ABCA1: variants seen among roughly 807,000 people sequenced by gnomAD.
ABCA1 encodes the protein phospholipid-transporting ATPase ABCA1.
Under a neutral mutation model 262.5 loss-of-function variants are expected in ABCA1, and 133 were observed. The observed-to-expected ratio is 0.51, with a 90% CI of 0.44 to 0.59. The LOEUF (loss-of-function observed/expected upper bound fraction) is 0.59. Ranked by LOEUF, ABCA1 falls within the 20% of genes least tolerant of loss-of-function variation. The pLI, the probability that ABCA1 is intolerant of heterozygous loss-of-function variation, is 0.00. For synonymous variants in ABCA1, 1,022 were observed against 1,043.5 expected (o/e 0.98, Z 0.40); for missense variants, 2,452 against 2,777.5 (o/e 0.88, Z 2.63).
intron 25 of ABCA1, among the ~76,000 whole-genome samples, chr9:104,815,868 T>A (rs981255728): frequency 4.6e-5 from 7 of 152,292 alleles, no homozygotes; most frequent in African/African-American, 1.7e-4. Context: ...AATAAGTGCA[T>A]AGGAGTTTAA....
At chr9:104,859,323 T>C (rs1428181104) in intron 6 of ABCA1, among the ~76,000 whole-genome samples, 3 of 152,214 alleles carry the variant, frequency 2.0e-5, no homozygotes, top group Non-Finnish European at 4.4e-5. Flanking sequence ...AGAGAGCCTC[T>C]TCTTGGTCAT....
chr9:104,829,480 C>G (rs535953953), intron 14 of ABCA1, among the ~76,000 whole-genome samples: 3 of 152,346 alleles, frequency 2.0e-5, no homozygotes, highest in African/African-American at 7.2e-5. Context: ...AGTTCAACAT[C>G]TCCAAGGTCA....
At chr9:104,869,266 C>T (rs978673276) in intron 5 of ABCA1, among the ~76,000 whole-genome samples, 2 of 151,658 alleles carry the variant, frequency 1.3e-5, no homozygotes, top group Non-Finnish European at 2.9e-5. Flanking sequence ...TAGGGAAAAT[C>T]ACATCAGCAT....
At chr9:104,874,954 G>A (rs1204983489) in intron 5 of ABCA1, among the ~76,000 whole-genome samples, 3 of 151,570 alleles carry the variant, frequency 2.0e-5, no homozygotes, top group Non-Finnish European at 4.4e-5. Flanking sequence ...GAAGTGAGGA[G>A]CCCCTCTACC....
chr9:104,882,051 A>C (rs933031024), intron 5 of ABCA1, among the ~76,000 whole-genome samples: 1 of 133,666 alleles, frequency 7.5e-6, no homozygotes, highest in African/African-American at 2.7e-5. Context: ...AAAAAAAAAA[A>C]AAAAAACTCA....
intron 46 of ABCA1, 53 bp from the exon 47 acceptor site, chr9:104,787,029 A>G: frequency 2.0e-6 from 3 of 1,535,126 alleles, no homozygotes; most frequent in Non-Finnish European, 2.7e-6. Context: ...AAAATCAAAG[A>G]TAAATTTGTT....
At position 104,819,974 on chromosome 9, in the gene ABCA1, A is replaced by G. The variant is rs1380091764; in HGVS notation, c.3056T>C (p.Val1019Ala). The G allele has an allele frequency of 3.7e-6, 6 of 1,614,018 alleles. No homozygotes were observed. The highest frequency in any genetic ancestry group is 5.1e-6 in the Non-Finnish European group (6 of 1,180,008). ...TTTCAGCTTGCTTGATGGCAAACCAACATCCAGGGCCATCTGCTCCATCTC... is the reference window on the plus strand; with the variant it reads ...TTTCAGCTTGCTTGATGGCAAACCAGCATCCAGGGCCATCTGCTCCATCTC... ...KAEMEQMALD[V>A]GLPSSKLKSK... is the part of the protein sequence containing the mutation. Residue 1019 changes from valine to alanine, a missense_variant, in exon 21 of 50, where the codon GTT becomes GCT. Around this residue, in one of 4 missense-constraint regions of ABCA1, gnomAD observed 665 missense variants for 727.3 expected, o/e 0.91. Coordinates refer to ENST00000374736, the MANE Select transcript of ABCA1 (RefSeq NM_005502.4).
intron 7 of ABCA1, 39 bp downstream of exon 7, chr9:104,858,483 T>C: frequency 6.2e-7 from 1 of 1,600,396 alleles, no homozygotes; most frequent in Non-Finnish European, 8.6e-7. Flanking sequence ...TCCGAAAGCA[T>C]TAGTGCTTGA....
chr9:104,855,886 A>G (rs745970148), intron 7 of ABCA1: 3 of 1,612,922 alleles, frequency 1.9e-6, no homozygotes, highest in East Asian at 4.5e-5. Context: ...GGCTGGAAAC[A>G]GGGAAACACT....
chr9:104,809,262 G>A (rs901932603), intron 30 of ABCA1, among the ~76,000 whole-genome samples: 5 of 152,212 alleles, frequency 3.3e-5, no homozygotes, highest in Admixed American at 2.0e-4. Flanking sequence ...TGCTTTGCAC[G>A]GTGTTAGAAG....
chr9:104,900,100 T>G (rs1588549666), intron 2 of ABCA1, among the ~76,000 whole-genome samples: 1 of 152,010 alleles, frequency 6.6e-6, no homozygotes, highest in East Asian at 1.9e-4. Context: ...GACCCAGGAG[T>G]TACCAGCAAA....
At chr9:104,821,240 T>G in intron 20 of ABCA1, 135 bp downstream of exon 20, 1 of 1,273,890 alleles carries the variant, frequency 7.8e-7, no homozygotes, top group South Asian at 1.5e-5. Flanking sequence ...AGACTCCATC[T>G]CAAAAAAATA....
intron 5 of ABCA1, among the ~76,000 whole-genome samples, chr9:104,870,983 C>T (rs898478325): frequency 6.6e-6 from 1 of 150,940 alleles, no homozygotes; most frequent in Non-Finnish European, 1.5e-5. Flanking sequence ...TCAGTTAAGG[C>T]GAGGCAGGGC....
At chr9:104,837,670 C>T in intron 9 of ABCA1, 103 bp from the exon 10 acceptor site, 1 of 1,348,608 alleles carries the variant, frequency 7.4e-7, no homozygotes. Context: ...AACCCCAGCT[C>T]TACCACTACT....
intron 37 of ABCA1, among the ~76,000 whole-genome samples, chr9:104,797,430 C>G (rs1290285127): frequency 1.3e-5 from 2 of 152,180 alleles, no homozygotes; most frequent in Non-Finnish European, 2.9e-5. Flanking sequence ...ACTAAGTTGC[C>G]AGTAAGACGG....
intron 28 of ABCA1, among the ~76,000 whole-genome samples, chr9:104,811,304 G>A (rs1331892621): frequency 3.3e-5 from 5 of 152,216 alleles, no homozygotes; most frequent in Non-Finnish European, 7.3e-5. Flanking sequence ...GGAGCCAGAA[G>A]TCCTGAATCC....
At chr9:104,824,729 A>G (rs555833267) in intron 17 of ABCA1, 151 bp from the exon 18 acceptor site, 1 of 989,692 alleles carries the variant, frequency 1.0e-6, no homozygotes, top group Admixed American at 2.0e-5. Flanking sequence ...CATTTGCTGA[A>G]ACCTGCTATG....
Position 104,855,796 on chromosome 9 carries a change from C to A in ABCA1, c.720+2726G>T, listed in dbSNP as rs768386706. 2.5e-6 allele frequency: 4 copies of A among 1,581,612 alleles called. No homozygotes were observed. The South Asian group carries it at 4.6e-5, about 18-fold the overall frequency. On this transcript the variant is annotated intron_variant, in intron 7 of 49. Transcript: ENST00000374736. Reference sequence around the variant, plus strand: ...CAGCTGACCCTCCCACACTGCCATACTTTCCCCATGTTGCCAAAACACTGC... The same window carrying A: ...CAGCTGACCCTCCCACACTGCCATAATTTCCCCATGTTGCCAAAACACTGC...
chr9:104,787,838 G>C, intron 46 of ABCA1, 82 bp downstream of exon 46: 2 of 1,613,450 alleles, frequency 1.2e-6, no homozygotes, highest in Non-Finnish European at 1.7e-6. Flanking sequence ...TCATACAACA[G>C]CCCTGGACAT....
Sources: gnomAD v4.1 joint callset for allele counts (sites outside exome capture counted in the v4.1 genomes callset) on GRCh38, gnomAD v4.1.1 for gene constraint, gnomAD v4.1.1 regional missense constraint, MANE v1.5 for transcripts, NCBI Gene and HGNC (gene_info 2026-07-23, HGNC 2026-07-21) for gene names.